The following LHX8 variants were observed in gnomAD, a reference collection of about 807,000 sequenced individuals.
LHX8 encodes the protein LIM homeobox 8.
In LHX8, 12 loss-of-function variants were observed where a neutral mutation model predicts 40.3. The observed-to-expected ratio is 0.30, with a 90% CI of 0.19 to 0.48. LHX8 has a LOEUF of 0.48. LHX8 is among the 20% of genes least tolerant of loss of function. The pLI, the probability that LHX8 is intolerant of heterozygous loss-of-function variation, is 0.99. For synonymous variants in LHX8, 179 were observed against 162.0 expected, an observed-to-expected ratio of 1.10 and a Z score of -0.80; for missense variants, 344 against 433.7, an observed-to-expected ratio of 0.79 and a Z score of 1.84.
At chr1:75,139,784 G>C (rs1241361140) in intron 3 of LHX8, among the ~76,000 whole-genome samples, 1 of 152,106 alleles carries the variant, frequency 6.6e-6, no homozygotes, top group Admixed American at 6.5e-5. Flanking sequence ...ACTGTAATTA[G>C]AAGTCAGTAA....
rs1397497933 is a variant in LHX8, at chr1:75,137,123, C to G, written c.99C>G (p.Asp33Glu). Residue 33 changes from aspartate (D) to glutamate (E), a missense_variant, in exon 3 of 9, where the codon GAC becomes GAG. Physicochemically the swap from Asp to Glu is conservative, Grantham distance 45 (BLOSUM62 2). Transcript: ENST00000356261. ...EGLVSPEGAGDEDSCSSSAPL... is the reference protein window; with the variant it reads ...EGLVSPEGAGEEDSCSSSAPL... ...AGGTGAGCCCCGAGGGAGCGGGGGACGAGGACTCGTGCTCCTCCTCGGCCC... is the reference window on the plus strand; with the variant it reads ...AGGTGAGCCCCGAGGGAGCGGGGGAGGAGGACTCGTGCTCCTCCTCGGCCC... 1 of 1,608,268 alleles carries G rather than the reference C, an allele frequency of 6.2e-7. No homozygotes were observed. Among genetic ancestry groups the G allele is most frequent in the Non-Finnish European group, 8.5e-7 (1 of 1,176,658 alleles).
chr1:75,159,877 A>T (rs1648871234), intron 8 of LHX8: 1 of 152,176 alleles, frequency 6.6e-6, no homozygotes, highest in Non-Finnish European at 1.5e-5. Flanking sequence ...AATCCTTAAG[A>T]GGGCTGGTAT....
At chr1:75,185,060 A>C in the LHX8 span, among the ~76,000 whole-genome samples, 11 of 151,938 alleles carry the variant, frequency 7.2e-5, no homozygotes, top group African/African-American at 2.4e-4. Flanking sequence ...CCAGGAAGAA[A>C]TTGATTCCCT....
chr1:75,166,447 A>G (rs994647750), downstream of LHX8, among the ~76,000 whole-genome samples: 6 of 152,242 alleles, frequency 3.9e-5, no homozygotes, highest in Non-Finnish European at 1.5e-5. Flanking sequence ...TTATGATGCC[A>G]TATTTGAAAA....
Position 75,141,056 on chromosome 1 carries a change from C to A in LHX8, c.309C>A (p.Thr103=). 1 of 1,613,532 alleles carries A rather than the reference C, an allele frequency of 6.2e-7. No individual in the cohort carries two copies. The highest frequency in any genetic ancestry group is 8.5e-7 in the Non-Finnish European group (1 of 1,179,590). ...GCAGAACCTCCCTAGGAAGGCACAC[C>A]AGCTGTTATATTAAAGACAAAGACA... ...SVCRTSLGRH[T]SCYIKDKDIF... Residue 103 remains threonine (T), a synonymous_variant, in exon 4 of 9, where the codon ACC becomes ACA. Coordinates refer to ENST00000356261, the MANE Select transcript of LHX8 (RefSeq NM_001256114.2).
At position 75,150,360 on chromosome 1, in the gene LHX8, T is replaced by G. The variant is rs558255709; in HGVS notation, c.780+1678T>G. 2.0e-5 allele frequency among the ~76,000 whole-genome samples: 3 copies of G among 152,338 alleles called. No homozygotes were observed. In the East Asian group the frequency reaches 5.8e-4, roughly 29 times the overall value. On this transcript the variant is annotated intron_variant, in intron 7 of 8. Coordinates refer to ENST00000356261, the MANE Select transcript of LHX8 (RefSeq NM_001256114.2). ...TGGACCCTTTTAGCTGTGCTAATTA[T>G]GCAGTGATGGTGGCAGTTAACTATG...
chr1:75,182,025 T>G, the LHX8 span, among the ~76,000 whole-genome samples: 1 of 152,228 alleles, frequency 6.6e-6, no homozygotes, highest in African/African-American at 2.4e-5. Flanking sequence ...CATTTATCTT[T>G]GTTTTTGTTG....
chr1:75,194,509 G>A, the LHX8 span, among the ~76,000 whole-genome samples: 1 of 152,178 alleles, frequency 6.6e-6, no homozygotes, highest in Non-Finnish European at 1.5e-5. Context: ...TGCTTTCACT[G>A]TAATTCCCTG....
intron 1 of LHX8, among the ~76,000 whole-genome samples, chr1:75,129,122 A>G (rs747809846): frequency 6.6e-6 from 1 of 152,210 alleles, no homozygotes; most frequent in African/African-American, 2.4e-5. Context: ...TTTTATGACA[A>G]TTTCCAAGTG....
intron 3 of LHX8, 32 bp from the exon 4 acceptor site, chr1:75,140,953 T>G: frequency 6.2e-7 from 1 of 1,612,024 alleles, no homozygotes; most frequent in Non-Finnish European, 8.5e-7. Flanking sequence ...TTCTTAAATA[T>G]GATATTACAA....
chr1:75,152,023 T>G (rs1056945379), intron 7 of LHX8, among the ~76,000 whole-genome samples: 2 of 152,228 alleles, frequency 1.3e-5, no homozygotes, highest in African/African-American at 4.8e-5. Flanking sequence ...ACTAGCATGC[T>G]TATGTGTTTA....
chr1:75,143,944 T>G lies in LHX8; in HGVS notation c.680T>G (p.Leu227Arg). 5 of 1,612,742 alleles carry G rather than the reference T, an allele frequency of 3.1e-6. No individual in the cohort carries two copies. The highest frequency in any genetic ancestry group is 4.2e-6 in the Non-Finnish European group (5 of 1,178,966). ...CGGACCAGCTTTACAGCAGATCAGC[T>G]TCAGGTAAGCATAACAATGAATTTT... ...RARTSFTADQ[L>R]QVMQAQFAQD... The change falls in exon 6 of 9, where the codon CTT (leucine) becomes CGT (arginine). Residue 227 changes from leucine to arginine, a missense_variant. This residue lies in a region of LHX8 where 147 missense variants were observed against 250.8 expected (regional missense o/e 0.59). Transcript: ENST00000356261.
chr1:75,195,341 G>T, the LHX8 span, among the ~76,000 whole-genome samples: 6 of 152,102 alleles, frequency 3.9e-5, no homozygotes, highest in Admixed American at 3.3e-4. Context: ...CTTCCTCAAG[G>T]AAAGACTTCA....
the LHX8 span, among the ~76,000 whole-genome samples, chr1:75,199,353 A>G: frequency 6.6e-6 from 1 of 152,190 alleles, no homozygotes; most frequent in Non-Finnish European, 1.5e-5. Context: ...TCTGCCTGGA[A>G]GAATGTGGAG....
the LHX8 span, among the ~76,000 whole-genome samples, chr1:75,175,534 T>C: frequency 9.8e-5 from 15 of 152,354 alleles, no homozygotes; most frequent in East Asian, 2.7e-3. Flanking sequence ...ATTGTGGAAT[T>C]TGATTTGCAT....
chr1:75,130,757 G>C (rs1647941080), upstream of LHX8: 16 of 1,611,866 alleles, frequency 9.9e-6, no homozygotes, highest in South Asian at 1.8e-4. Flanking sequence ...AGAACCTCTA[G>C]AAGCAATCTC....
upstream of LHX8, chr1:75,130,615 C>T: frequency 8.9e-7 from 1 of 1,120,846 alleles, no homozygotes; most frequent in Non-Finnish European, 1.4e-6. Flanking sequence ...GCACCCCTCT[C>T]TTACCCTCAG....
At chr1:75,178,319 G>A in the LHX8 span, among the ~76,000 whole-genome samples, 1 of 151,888 alleles carries the variant, frequency 6.6e-6, no homozygotes, top group African/African-American at 2.4e-5. Flanking sequence ...TTTTTTGTTG[G>A]TAGGCTATTA....
chr1:75,189,283 C>A, the LHX8 span, among the ~76,000 whole-genome samples: 2 of 152,154 alleles, frequency 1.3e-5, no homozygotes, highest in East Asian at 3.8e-4. Flanking sequence ...AAATTATGAT[C>A]CTTACTTTCC....
Sources: allele counts gnomAD v4.1 joint callset (sites outside exome capture counted in the v4.1 genomes callset), GRCh38; gene constraint gnomAD v4.1.1; regional missense constraint gnomAD v4.1.1; transcripts MANE v1.5; gene names NCBI Gene and HGNC (gene_info 2026-07-23, HGNC 2026-07-21).